Variants in TRIM44 observed in about 807,000 individuals in gnomAD.
TRIM44 encodes tripartite motif containing 44.
A neutral mutation model predicts 37.4 loss-of-function variants in TRIM44; 13 were observed. The observed-to-expected ratio is 0.35, with a 90% confidence interval of 0.23 to 0.55. TRIM44 has a LOEUF of 0.55. Ranked by LOEUF, TRIM44 falls within the 20% of genes least tolerant of loss-of-function variation. The probability of loss-of-function intolerance (pLI) is 0.89; values close to 1 mark genes in which losing one functional copy is unlikely to be tolerated. For missense variants in TRIM44, 426 were observed against 437.2 expected, an observed-to-expected ratio of 0.97 and a Z score of 0.23; for synonymous variants, 175 against 157.2, an observed-to-expected ratio of 1.11 and a Z score of -0.85.
At chr11:35,726,747 A>G (rs1486972546) in intron 3 of TRIM44, among the ~76,000 whole-genome samples, 1 of 152,096 alleles carries the variant, frequency 6.6e-6, no homozygotes, top group Non-Finnish European at 1.5e-5. Context: ...TACAAATGTT[A>G]GTTGTCATAT....
intron 4 of TRIM44, among the ~76,000 whole-genome samples, chr11:35,804,425 A>AACACAC (rs1335100543): frequency 6.6e-6 from 1 of 152,264 alleles, no homozygotes; most frequent in African/African-American, 2.4e-5. Context: ...CAGACAAAGG[A>AACACAC]ACACACAGAT....
At chr11:35,760,793 G>C (rs917610933) in intron 4 of TRIM44, among the ~76,000 whole-genome samples, 31 of 152,100 alleles carry the variant, frequency 2.0e-4, no homozygotes, top group African/African-American at 7.2e-4. Context: ...ATTTTTTATA[G>C]TGAGAGCACT....
At position 35,676,029 on chromosome 11, in the gene TRIM44, T is replaced by C. The variant is rs114338441; in HGVS notation, c.670-9230T>C. ...AGAAGAATATTGAAGGACCAAACAG[T>C]CTTTGACCCAGTTGGCTTTGCAGTC... On this transcript the variant is annotated intron_variant, in intron 1 of 4. Coordinates refer to ENST00000299413, the MANE Select transcript of TRIM44 (RefSeq NM_017583.6). 2.1e-3 allele frequency among the ~76,000 whole-genome samples: 321 copies of C among 152,240 alleles called. 1 individual carries two copies. Among genetic ancestry groups the C allele is most frequent in the African/African-American group, 7.4e-3 (309 of 41,546 alleles).
intron 2 of TRIM44, among the ~76,000 whole-genome samples, chr11:35,724,091 C>T (rs1852139559): frequency 1.3e-5 from 2 of 152,150 alleles, no homozygotes; most frequent in Admixed American, 6.6e-5. Flanking sequence ...GGGCTTATGA[C>T]ACTTAGTCAC....
intron 2 of TRIM44, among the ~76,000 whole-genome samples, chr11:35,713,221 T>C (rs1266831018): frequency 6.6e-6 from 1 of 152,230 alleles, no homozygotes; most frequent in African/African-American, 2.4e-5. Context: ...TAATGACTTT[T>C]GTTTACCTCT....
At position 35,808,256 on chromosome 11, in the gene TRIM44, A is replaced by T; in HGVS notation, c.*1871A>T. Reference sequence around the variant, plus strand: ...TTTCTCTCAAACTGATGGCCAAGAAATGGCTAGGACAATTTTGGTGCTTTA... The same window carrying T: ...TTTCTCTCAAACTGATGGCCAAGAATTGGCTAGGACAATTTTGGTGCTTTA... On this transcript the variant is annotated 3_prime_UTR_variant, in exon 5 of 5. Coordinates refer to ENST00000299413, the MANE Select transcript of TRIM44 (RefSeq NM_017583.6). 1 of 149,628 alleles carries T rather than the reference A, an allele frequency of 6.7e-6. No homozygotes were observed. Among genetic ancestry groups the T allele is most frequent in the Admixed American group, 6.7e-5 (1 of 15,022 alleles). The allele number at this position is 149,628 out of a possible 1,614,324, so 9.3% of individuals were successfully genotyped here.
intron 3 of TRIM44, among the ~76,000 whole-genome samples, chr11:35,729,357 A>G (rs1185446941): frequency 6.6e-6 from 1 of 151,888 alleles, no homozygotes; most frequent in Non-Finnish European, 1.5e-5. Flanking sequence ...TCTTACTTCT[A>G]CCTTTGGCCC....
At chr11:35,761,715 T>G (rs1389513293) in intron 4 of TRIM44, among the ~76,000 whole-genome samples, 1 of 152,244 alleles carries the variant, frequency 6.6e-6, no homozygotes, top group African/African-American at 2.4e-5. Context: ...GACTAGTATT[T>G]GAACCAAAGC....
intron 2 of TRIM44, among the ~76,000 whole-genome samples, chr11:35,724,032 T>G (rs1852138959): frequency 6.6e-6 from 1 of 152,166 alleles, no homozygotes; most frequent in South Asian, 2.1e-4. Context: ...TTTAATACAC[T>G]TTCCCATTTT....
At chr11:35,709,839 G>A (rs1851943976) in intron 2 of TRIM44, among the ~76,000 whole-genome samples, 1 of 152,182 alleles carries the variant, frequency 6.6e-6, no homozygotes, top group Admixed American at 6.5e-5. Context: ...AACGTCAGCT[G>A]AATTAAATTT....
chr11:35,681,931 GC>G (rs1324427059), intron 1 of TRIM44, among the ~76,000 whole-genome samples: 1 of 147,208 alleles, frequency 6.8e-6, no homozygotes, highest in Non-Finnish European at 1.5e-5. Context: ...ACAACCCCAT[GC>G]CCCTGACCTA....
At chr11:35,710,894 G>C (rs111934242) in intron 2 of TRIM44, among the ~76,000 whole-genome samples, 5 of 152,262 alleles carry the variant, frequency 3.3e-5, no homozygotes, top group African/African-American at 7.2e-5. Flanking sequence ...CATATTTTGG[G>C]ATAGCATATC....
intron 2 of TRIM44, among the ~76,000 whole-genome samples, chr11:35,714,646 T>C (rs1437848862): frequency 1.3e-5 from 2 of 152,202 alleles, no homozygotes; most frequent in African/African-American, 4.8e-5. Context: ...TTGAGTCTTA[T>C]TTTAAAATTG....
intron 1 of TRIM44, among the ~76,000 whole-genome samples, chr11:35,666,605 G>A (rs931207806): frequency 2.0e-5 from 3 of 151,616 alleles, no homozygotes; most frequent in African/African-American, 7.3e-5. Flanking sequence ...TTATAATATT[G>A]TAGAAAATAT....
intron 1 of TRIM44, among the ~76,000 whole-genome samples, chr11:35,665,728 G>A (rs1006913892): frequency 2.0e-5 from 3 of 151,162 alleles, no homozygotes; most frequent in African/African-American, 7.3e-5. Context: ...CTGAGTAGCT[G>A]GGATTACAGG....
chr11:35,758,755 A>G (rs1025570281), intron 4 of TRIM44, among the ~76,000 whole-genome samples: 4 of 152,152 alleles, frequency 2.6e-5, no homozygotes, highest in African/African-American at 9.7e-5. Context: ...TCCTTCACTT[A>G]TGAAGCTTAG....
At chr11:35,705,715 G>A (rs1225604660) in intron 2 of TRIM44, among the ~76,000 whole-genome samples, 11 of 147,292 alleles carry the variant, frequency 7.5e-5, no homozygotes, top group African/African-American at 2.7e-4. Flanking sequence ...TGAAACCAAC[G>A]AGAACAAAGA....
chr11:35,745,360 G>A (rs1590563209), intron 4 of TRIM44, among the ~76,000 whole-genome samples: 1 of 152,210 alleles, frequency 6.6e-6, no homozygotes, highest in East Asian at 1.9e-4. Context: ...ACTTTTTAAT[G>A]GGGTTGTTTT....
At chr11:35,671,380 T>C (rs1178198939) in intron 1 of TRIM44, among the ~76,000 whole-genome samples, 1 of 152,224 alleles carries the variant, frequency 6.6e-6, no homozygotes, top group Non-Finnish European at 1.5e-5. Context: ...AATAGAACTT[T>C]TGTGAGAATG....
Sources: gnomAD v4.1 joint callset for allele counts (sites outside exome capture counted in the v4.1 genomes callset) on GRCh38, gnomAD v4.1.1 for gene constraint, MANE v1.5 for transcripts, NCBI Gene and HGNC (gene_info 2026-07-23, HGNC 2026-07-21) for gene names.